The following SIAH3 variants were observed in gnomAD, a reference collection of about 807,000 sequenced individuals.
SIAH3 encodes siah E3 ubiquitin protein ligase family member 3.
In SIAH3, 9 loss-of-function variants were observed where a neutral mutation model predicts 12.6. The observed-to-expected ratio is 0.72, with a 90% confidence interval of 0.43 to 1.25. SIAH3 has a LOEUF of 1.25. SIAH3 is among the 50% of genes most tolerant of loss of function. The pLI, the probability that SIAH3 is intolerant of heterozygous loss-of-function variation, is 0.00. For synonymous variants in SIAH3, 154 were observed against 151.1 expected (o/e 1.02, Z -0.14); for missense variants, 390 against 365.4 (o/e 1.07, Z -0.55).
chr13:45,850,252 T>C (rs1950775313), intron 1 of SIAH3, among the ~76,000 whole-genome samples: 1 of 152,156 alleles, frequency 6.6e-6, no homozygotes, highest in African/African-American at 2.4e-5. Flanking sequence ...GGCAGCTGTC[T>C]TTCGGCGGAA....
intron 1 of SIAH3, among the ~76,000 whole-genome samples, chr13:45,785,425 T>C (rs1011447667): frequency 2.1e-4 from 32 of 150,436 alleles, no homozygotes; most frequent in African/African-American, 7.3e-4. Context: ...GGGGTGAAGG[T>C]CACCAGCCAC....
intron 1 of SIAH3, among the ~76,000 whole-genome samples, chr13:45,803,281 C>T (rs1324900511): frequency 5.3e-5 from 8 of 152,172 alleles, no homozygotes; most frequent in African/African-American, 1.4e-4. Context: ...TTCATTCATT[C>T]GTTCATCAAA....
chr13:45,824,426 T>C (rs1389559721), intron 1 of SIAH3, among the ~76,000 whole-genome samples: 1 of 152,190 alleles, frequency 6.6e-6, no homozygotes, highest in Non-Finnish European at 1.5e-5. Context: ...TAACAGAATA[T>C]TCAAAGTGGT....
At chr13:45,835,847 C>T (rs1213463517) in intron 1 of SIAH3, among the ~76,000 whole-genome samples, 2 of 152,334 alleles carry the variant, frequency 1.3e-5, no homozygotes, top group South Asian at 2.1e-4. Context: ...CTGAATATCA[C>T]GTTTCTGCCT....
At chr13:45,830,771 A>C (rs1950695795) in intron 1 of SIAH3, among the ~76,000 whole-genome samples, 1 of 152,146 alleles carries the variant, frequency 6.6e-6, no homozygotes, top group Non-Finnish European at 1.5e-5. Flanking sequence ...AGGAGGTTTG[A>C]GGAAGGGCTC....
At chr13:45,800,466 C>T (rs1950577831) in intron 1 of SIAH3, among the ~76,000 whole-genome samples, 2 of 152,222 alleles carry the variant, frequency 1.3e-5, no homozygotes, top group African/African-American at 4.8e-5. Context: ...AAGTGTAGTT[C>T]AGAGCCTCAA....
chr13:45,808,867 G>A lies in SIAH3; in HGVS notation c.136-24810C>T, dbSNP rs117796815. 4.3e-4 allele frequency among the ~76,000 whole-genome samples: 66 copies of A among 152,300 alleles called. No individual in the cohort carries two copies. The East Asian group carries it at 8.1e-3, about 19-fold the overall frequency. On this transcript the variant is annotated intron_variant, in intron 1 of 1. Transcript: ENST00000400405. ...TAAATTCAGTTATAGAGAAAAGAATGTTATATCTATTGCACATCTCAAATT... is the reference window on the plus strand; with the variant it reads ...TAAATTCAGTTATAGAGAAAAGAATATTATATCTATTGCACATCTCAAATT...
intron 1 of SIAH3, among the ~76,000 whole-genome samples, chr13:45,843,707 CA>C (rs1487388913): frequency 6.6e-6 from 1 of 152,120 alleles, no homozygotes; most frequent in East Asian, 1.9e-4. Flanking sequence ...TCTTCAAGGC[CA>C]AAGATAACTC....
Position 45,838,253 on chromosome 13 carries a change from C to T in SIAH3, c.135+13242G>A, listed in dbSNP as rs146830385. ...AGCCTCTTGATTCTGCATAAACCTC[C>T]TTGGCCAAGTCTTTTCAAGGAGTGG... On this transcript the variant is annotated intron_variant, in intron 1 of 1. Transcript: ENST00000400405. Among the ~76,000 whole-genome samples the T allele has an allele frequency of 7.9e-5, 12 of 152,268 alleles. No individual in the cohort carries two copies. In the East Asian group the frequency reaches 2.3e-3, roughly 29 times the overall value.
At chr13:45,809,148 T>C (rs1950608013) in intron 1 of SIAH3, among the ~76,000 whole-genome samples, 1 of 152,166 alleles carries the variant, frequency 6.6e-6, no homozygotes, top group African/African-American at 2.4e-5. Context: ...ACCTCTGAAC[T>C]TTCAGTGACT....
intron 1 of SIAH3, among the ~76,000 whole-genome samples, chr13:45,838,671 C>T (rs1039554787): frequency 3.3e-5 from 5 of 152,102 alleles, no homozygotes; most frequent in Non-Finnish European, 7.3e-5. Flanking sequence ...TCATTCCTTC[C>T]ATTCCAGTCT....
chr13:45,787,520 C>T (rs1050738728), intron 1 of SIAH3, among the ~76,000 whole-genome samples: 15 of 152,096 alleles, frequency 9.9e-5, no homozygotes, highest in African/African-American at 3.4e-4. Context: ...TGTGAGGTGA[C>T]ATTTAAACTA....
At chr13:45,826,372 GA>G (rs1472353862) in intron 1 of SIAH3, among the ~76,000 whole-genome samples, 11,334 of 31,210 alleles carry the variant, frequency 0.36, 5,498 homozygotes, top group African/African-American at 0.59. Context: ...TGGATGGATG[GA>G]TGAATGAATG....
chr13:45,842,061 G>A (rs1191044238), intron 1 of SIAH3, among the ~76,000 whole-genome samples: 4 of 152,164 alleles, frequency 2.6e-5, no homozygotes, highest in Non-Finnish European at 4.4e-5. Flanking sequence ...TTGTTAGACC[G>A]GCTCCTTAAA....
chr13:45,850,713 G>C (rs1377537099), intron 1 of SIAH3, among the ~76,000 whole-genome samples: 2 of 152,024 alleles, frequency 1.3e-5, no homozygotes, highest in East Asian at 3.9e-4. Flanking sequence ...CTCTAAAAGG[G>C]CACTGACCTG....
chr13:45,813,332 G>T (rs1300564913), intron 1 of SIAH3, among the ~76,000 whole-genome samples: 3 of 152,218 alleles, frequency 2.0e-5, no homozygotes, highest in Non-Finnish European at 4.4e-5. Flanking sequence ...GGATGGGAAA[G>T]AGGCTGTCTG....
At chr13:45,806,035 C>G (rs577830469) in intron 1 of SIAH3, among the ~76,000 whole-genome samples, 1 of 152,170 alleles carries the variant, frequency 6.6e-6, no homozygotes, top group African/African-American at 2.4e-5. Context: ...CATTTTGTCC[C>G]CATCAGAATG....
rs534327235 is a variant in SIAH3, at chr13:45,816,510, TTA to T, written c.136-32455_136-32454del. Reference sequence around the variant, plus strand: ...CTTGCTATAAATTACAACAGCTGAGTTATGAACCCTGAGGAATGGCATTCATT... The same window carrying T: ...CTTGCTATAAATTACAACAGCTGAGTTGAACCCTGAGGAATGGCATTCATT... On this transcript the variant is annotated intron_variant, in intron 1 of 1. Coordinates refer to ENST00000400405, the MANE Select transcript of SIAH3 (RefSeq NM_198849.3). Among the ~76,000 whole-genome samples, 392 of 152,344 alleles carry T rather than the reference TTA, an allele frequency of 2.6e-3. 1 individual carries two copies. The highest frequency in any genetic ancestry group is 0.01 in the Middle Eastern group (3 of 294).
At position 45,845,498 on chromosome 13, in the gene SIAH3, C is replaced by T. The variant is rs143145659; in HGVS notation, c.135+5997G>A. 4.4e-3 allele frequency among the ~76,000 whole-genome samples: 675 copies of T among 152,182 alleles called. 5 individuals carry two copies. The highest frequency in any genetic ancestry group is 0.015 in the African/African-American group (637 of 41,524). ...CACAATTAGTAATCATAGTAATACG[C>T]GTTTATACATTTCCCTTTTGATCTA... On this transcript the variant is annotated intron_variant, in intron 1 of 1. Transcript: ENST00000400405.
Sources: allele counts gnomAD v4.1 joint callset (sites outside exome capture counted in the v4.1 genomes callset), GRCh38; gene constraint gnomAD v4.1.1; transcripts MANE v1.5; gene names NCBI Gene and HGNC (gene_info 2026-07-23, HGNC 2026-07-21).